Variants in RASEF observed in about 807,000 individuals in gnomAD.
The protein encoded by RASEF is ras and EF-hand domain-containing protein.
Under a neutral mutation model 90.1 loss-of-function variants are expected in RASEF, and 68 were observed. The observed-to-expected ratio is 0.75, with a 90% CI of 0.62 to 0.92. The LOEUF is 0.92. Among genes scored for constraint, RASEF ranks in the 40% least tolerant of loss-of-function variants. The pLI is 0.00. For missense variants in RASEF, 949 were observed against 937.2 expected (o/e 1.01, Z -0.16); for synonymous variants, 331 against 345.2 (o/e 0.96, Z 0.46).
the RASEF span, among the ~76,000 whole-genome samples, chr9:83,147,484 A>ACAGGGG: frequency 6.6e-6 from 1 of 152,154 alleles, no homozygotes; most frequent in African/African-American, 2.4e-5. Context: ...TGTGGTGCAT[A>ACAGGGG]TGTTCAGCTG....
chr9:83,096,326 T>A, the RASEF span, among the ~76,000 whole-genome samples: 1 of 152,142 alleles, frequency 6.6e-6, no homozygotes, highest in Non-Finnish European at 1.5e-5. Context: ...TTTATGATCC[T>A]AACAGTGATC....
chr9:83,019,065 T>C (rs1366500986), intron 3 of RASEF, among the ~76,000 whole-genome samples: 1 of 151,884 alleles, frequency 6.6e-6, no homozygotes, highest in East Asian at 1.9e-4. Context: ...CAGGGGAAAA[T>C]CTTGAGTTAA....
At chr9:83,214,666 T>A in the RASEF span, among the ~76,000 whole-genome samples, 1 of 152,104 alleles carries the variant, frequency 6.6e-6, no homozygotes, top group Non-Finnish European at 1.5e-5. Context: ...GTTCTCCTGA[T>A]AGTGAATAAG....
At chr9:83,161,342 G>C in the RASEF span, among the ~76,000 whole-genome samples, 2 of 152,198 alleles carry the variant, frequency 1.3e-5, no homozygotes, top group Non-Finnish European at 2.9e-5. Context: ...TGATCTGGAT[G>C]TGAGACATGG....
the RASEF span, among the ~76,000 whole-genome samples, chr9:83,187,021 G>T: frequency 1.3e-5 from 2 of 152,150 alleles, no homozygotes; most frequent in Non-Finnish European, 2.9e-5. Context: ...ATATTCCTCT[G>T]CCTAAATCAT....
intron 1 of RASEF, among the ~76,000 whole-genome samples, chr9:83,028,690 A>G (rs1829588680): frequency 6.6e-6 from 1 of 152,238 alleles, no homozygotes; most frequent in African/African-American, 2.4e-5. Context: ...ATACGTAGCG[A>G]GTAGTCACCA....
chr9:83,154,718 AG>A, the RASEF span, among the ~76,000 whole-genome samples: 12 of 152,202 alleles, frequency 7.9e-5, no homozygotes, highest in Non-Finnish European at 1.8e-4. Context: ...ATTTTTCTAA[AG>A]CCTGCCTTTT....
At chr9:83,195,785 G>A in the RASEF span, among the ~76,000 whole-genome samples, 1 of 152,112 alleles carries the variant, frequency 6.6e-6, no homozygotes. Flanking sequence ...TACTGACTCT[G>A]AGGGACACTG....
chr9:83,093,583 C>A, the RASEF span, among the ~76,000 whole-genome samples: 1 of 152,236 alleles, frequency 6.6e-6, no homozygotes, highest in Non-Finnish European at 1.5e-5. Flanking sequence ...GCTGGCCGAG[C>A]CGGTCGGCTG....
chr9:83,130,980 A>C, the RASEF span, among the ~76,000 whole-genome samples: 1 of 152,232 alleles, frequency 6.6e-6, no homozygotes, highest in South Asian at 2.1e-4. Context: ...CCTTAGCTTC[A>C]GGTTCTGGTT....
chr9:83,016,428 TAAGGCA>T (rs948697321), intron 3 of RASEF, among the ~76,000 whole-genome samples: 3 of 151,910 alleles, frequency 2.0e-5, no homozygotes, highest in Non-Finnish European at 4.4e-5. Flanking sequence ...AGAATGGCAG[TAAGGCA>T]CCCCAGGTCA....
chr9:83,132,372 T>C, the RASEF span, among the ~76,000 whole-genome samples: 77 of 152,112 alleles, frequency 5.1e-4, no homozygotes, highest in Non-Finnish European at 9.0e-4. Flanking sequence ...CTCCAGTGGT[T>C]TTTGCCACTT....
At chr9:83,147,047 T>TATAC in the RASEF span, among the ~76,000 whole-genome samples, 1 of 148,978 alleles carries the variant, frequency 6.7e-6, no homozygotes, top group Non-Finnish European at 1.5e-5. Flanking sequence ...TATGTATATA[T>TATAC]ATATATATAT....
chr9:83,024,624 T>G (rs1052848026), intron 2 of RASEF, among the ~76,000 whole-genome samples: 1 of 152,224 alleles, frequency 6.6e-6, no homozygotes, highest in Admixed American at 6.5e-5. Context: ...AAGGCTAATT[T>G]GAGAGAAAAA....
chr9:83,097,588 G>C, the RASEF span, among the ~76,000 whole-genome samples: 9 of 152,116 alleles, frequency 5.9e-5, no homozygotes, highest in Non-Finnish European at 1.3e-4. Flanking sequence ...ACAAGTGGGC[G>C]AAGGACATGA....
the RASEF span, among the ~76,000 whole-genome samples, chr9:83,102,445 C>T: frequency 1.3e-5 from 2 of 152,112 alleles, no homozygotes; most frequent in South Asian, 2.1e-4. Flanking sequence ...TTGTTGCTGC[C>T]GTACACATGT....
the RASEF span, among the ~76,000 whole-genome samples, chr9:83,101,378 TG>T: frequency 1.3e-5 from 2 of 152,182 alleles, no homozygotes; most frequent in African/African-American, 4.8e-5. Context: ...ACACTCCTGG[TG>T]GTAAGCACAA....
chr9:83,062,997 T>C lies in RASEF; in HGVS notation c.-130A>G. On this transcript the variant is annotated 5_prime_UTR_variant, in exon 1 of 17. Coordinates refer to ENST00000376447, the MANE Select transcript of RASEF (RefSeq NM_152573.4). Reference sequence around the variant, plus strand: ...TGGCTCGTCCGGCTGGTTCGGCCACTTGAGGGAACGTCGGGCGGGGCGAGG... The same window carrying C: ...TGGCTCGTCCGGCTGGTTCGGCCACCTGAGGGAACGTCGGGCGGGGCGAGG... The C allele has an allele frequency of 9.9e-7, 1 of 1,006,830 alleles. No homozygotes were observed. The highest frequency in any genetic ancestry group is 1.3e-6 in the Non-Finnish European group (1 of 745,386). The allele number at this position is 1,006,830 out of a possible 1,614,324, so 62.4% of individuals were successfully genotyped here. A position where few individuals can be genotyped will look rare whatever the true frequency, so the allele number is the denominator to read the frequency against.
At chr9:82,995,858 T>C (rs1828907589) in intron 14 of RASEF, among the ~76,000 whole-genome samples, 2 of 152,210 alleles carry the variant, frequency 1.3e-5, no homozygotes, top group Non-Finnish European at 2.9e-5. Flanking sequence ...AACCACTAAA[T>C]AACTCTAAGC....
Sources: gnomAD v4.1 joint callset for allele counts (sites outside exome capture counted in the v4.1 genomes callset) on GRCh38, gnomAD v4.1.1 for gene constraint, MANE v1.5 for transcripts, NCBI Gene and HGNC (gene_info 2026-07-23, HGNC 2026-07-21) for gene names.